Variants in RSPO1 observed in about 807,000 individuals in gnomAD.
RSPO1 encodes the protein R-spondin 1, also known as R-spondin-1.
A neutral mutation model predicts 26.0 loss-of-function variants in RSPO1; 18 were observed. The ratio of observed to expected loss-of-function variants is 0.69; its 90% confidence interval spans 0.48 to 1.03. The LOEUF is 1.03. Ranked by LOEUF, RSPO1 falls within the 50% of genes least tolerant of loss-of-function variation. The pLI is 0.00. For missense variants in RSPO1, 309 were observed against 352.3 expected, an observed-to-expected ratio of 0.88 and a Z score of 0.98; for synonymous variants, 133 against 137.4, an observed-to-expected ratio of 0.97 and a Z score of 0.22.
chr1:37,629,013 TC>T (rs751222046), intron 3 of RSPO1, among the ~76,000 whole-genome samples: 33 of 152,274 alleles, frequency 2.2e-4, no homozygotes, highest in Non-Finnish European at 4.4e-4. Flanking sequence ...CCACTGTAGC[TC>T]CCTGAATCCC....
At chr1:37,618,363 A>G (rs759655800) in intron 3 of RSPO1, among the ~76,000 whole-genome samples, 5 of 152,240 alleles carry the variant, frequency 3.3e-5, no homozygotes, top group Non-Finnish European at 7.3e-5. Flanking sequence ...GAGGGGGGAC[A>G]GAGTGAACTG....
chr1:37,615,394 G>A (rs1425151449), intron 4 of RSPO1, among the ~76,000 whole-genome samples: 1 of 152,164 alleles, frequency 6.6e-6, no homozygotes, highest in Non-Finnish European at 1.5e-5. Flanking sequence ...ACAACCCTAG[G>A]GGGTAAAAAC....
Position 37,613,991 on chromosome 1 carries a change from C to T in RSPO1, c.437-99G>A, listed in dbSNP as rs1644068709. On this transcript the variant is annotated intron_variant, in intron 5 of 6. Coordinates refer to ENST00000356545, the MANE Select transcript of RSPO1 (RefSeq NM_001242908.2). This position sits in a 1 kb window ranked among gnomAD's most constrained non-coding sequence, Gnocchi z 4.5. The stretch of plus-strand genomic sequence containing the variant: ...GCCCAGGGGAGCATCTCCCACTTTC[C>T]TTCTGCCTGGACCTGAGGCTGCAGG... 7.0e-7 allele frequency: 1 copy of T among 1,438,564 alleles called. No homozygotes were observed. Among genetic ancestry groups the T allele is most frequent in the African/African-American group, 1.4e-5 (1 of 71,342 alleles). The allele number at this position is 1,438,564 out of a possible 1,614,324, so 89.1% of individuals were successfully genotyped here.
At chr1:37,629,350 A>C (rs984157474) in intron 3 of RSPO1, among the ~76,000 whole-genome samples, 15 of 152,302 alleles carry the variant, frequency 9.8e-5, no homozygotes, top group African/African-American at 3.6e-4. Flanking sequence ...AAACAGACAA[A>C]GTGAGTCATC....
chr1:37,630,066 T>C (rs1644334686), intron 2 of RSPO1, 117 bp from the exon 3 acceptor site: 8 of 619,186 alleles, frequency 1.3e-5, no homozygotes, highest in Non-Finnish European at 2.3e-5. Flanking sequence ...ACAAGTTACC[T>C]ACCTAGCACC....
In RSPO1 at chr1:37,613,905, G is replaced by C; in HGVS notation, c.437-13C>G. 1.2e-6 allele frequency: 2 copies of C among 1,613,730 alleles called. No homozygotes were observed. Among genetic ancestry groups the C allele is most frequent in the Non-Finnish European group, 1.7e-6 (2 of 1,179,744 alleles). On this transcript the variant is annotated splice_polypyrimidine_tract_variant and intron_variant, in intron 5 of 6. Transcript: ENST00000356545. This position sits in a 1 kb window ranked among gnomAD's most constrained non-coding sequence, Gnocchi z 4.5. ...ATTTCACATTGCGCTGGCAGGAAGA[G>C]AAGGGAAGGGAGAGAAGGACAAGGA...
At position 37,613,768 on chromosome 1, in the gene RSPO1, A is replaced by G. The variant is rs1357520912; in HGVS notation, c.561T>C (p.His187=). The change falls in exon 6 of 7, where the codon CAT becomes CAC. Residue 187 remains histidine (H), a synonymous_variant. Transcript: ENST00000356545. This position sits in a 1 kb window ranked among gnomAD's most constrained non-coding sequence, Gnocchi z 4.5. ...TCTCCTTGGTGTCAGAGCAGGCAGCATGGTCCCCCACAGGGGCATGTAGCA... is the reference window on the plus strand; with the variant it reads ...TCTCCTTGGTGTCAGAGCAGGCAGCGTGGTCCCCCACAGGGGCATGTAGCA... ...RRVLHAPVGD[H]AACSDTKETR... is the part of the protein sequence containing the mutation. The G allele has an allele frequency of 6.2e-7, 1 of 1,614,006 alleles. No individual in the cohort carries two copies. Among genetic ancestry groups the G allele is most frequent in the Non-Finnish European group, 8.5e-7 (1 of 1,179,998 alleles).
chr1:37,629,430 T>G, intron 3 of RSPO1, 138 bp downstream of exon 3: 1 of 711,196 alleles, frequency 1.4e-6, no homozygotes, highest in Non-Finnish European at 2.5e-6. Context: ...ATCTACTGAG[T>G]GATCTACAAA....
At chr1:37,624,679 C>A (rs1644251746) in intron 3 of RSPO1, among the ~76,000 whole-genome samples, 1 of 152,154 alleles carries the variant, frequency 6.6e-6, no homozygotes, top group Non-Finnish European at 1.5e-5. Context: ...GGATCGCTGC[C>A]CCTCCCCGCT....
chr1:37,622,503 C>A (rs1644217600), intron 3 of RSPO1, among the ~76,000 whole-genome samples: 1 of 151,252 alleles, frequency 6.6e-6, no homozygotes, highest in South Asian at 2.1e-4. Flanking sequence ...AGGGCAAGAC[C>A]CTGACTCAAA....
intron 3 of RSPO1, among the ~76,000 whole-genome samples, chr1:37,624,931 T>C (rs1439137403): frequency 1.3e-5 from 2 of 152,212 alleles, no homozygotes; most frequent in Admixed American, 6.5e-5. Context: ...CATGTCGCAC[T>C]ATCTCACACC....
chr1:37,613,714 C>CA lies in RSPO1; in HGVS notation c.614_615insT (p.Cys206ValfsTer3). ...GAGGCTGCAGCTCACCCTCAGGACACGGCACTCTCCTCACTGTGCACCTCC... is the reference window on the plus strand; with the variant it reads ...GAGGCTGCAGCTCACCCTCAGGACACAGGCACTCTCCTCACTGTGCACCTCC... On this transcript the variant is annotated frameshift_variant, in exon 6 of 7. Coordinates refer to ENST00000356545, the MANE Select transcript of RSPO1 (RefSeq NM_001242908.2). LOFTEE classifies it high-confidence loss of function. This position sits in a 1 kb window ranked among gnomAD's most constrained non-coding sequence, Gnocchi z 4.5. 1 of 1,613,132 alleles carries CA rather than the reference C, an allele frequency of 6.2e-7. No individual in the cohort carries two copies. The highest frequency in any genetic ancestry group is 1.7e-5 in the Admixed American group (1 of 60,000).
At chr1:37,627,732 ATCC>A (rs1264034887) in intron 3 of RSPO1, among the ~76,000 whole-genome samples, 1 of 152,226 alleles carries the variant, frequency 6.6e-6, no homozygotes, top group East Asian at 1.9e-4. Flanking sequence ...AAGCCTTACT[ATCC>A]TCCTATACAT....
In RSPO1 at chr1:37,613,041, G is replaced by A; in HGVS notation, c.626-120C>T. On this transcript the variant is annotated intron_variant, in intron 6 of 6. Transcript: ENST00000356545. The surrounding 1 kb of genome is among the most constrained non-coding windows in gnomAD (Gnocchi z 4.5). ...GGAAGGGGAGGCAGGGAGGAGGCTGGAGATGCTGCCTCTAGGTAGTTGGGT... is the reference window on the plus strand; with the variant it reads ...GGAAGGGGAGGCAGGGAGGAGGCTGAAGATGCTGCCTCTAGGTAGTTGGGT... The A allele has an allele frequency of 9.1e-7, 1 of 1,100,602 alleles. No homozygotes were observed. The highest frequency in any genetic ancestry group is 1.3e-6 in the Non-Finnish European group (1 of 740,798). 68.2% of individuals were successfully genotyped at this position (1,100,602 alleles called of 1,614,324 possible).
In RSPO1 at chr1:37,629,919, C is replaced by G. The variant is rs1644332154; in HGVS notation, c.-258G>C. 6.5e-7 allele frequency: 1 copy of G among 1,532,620 alleles called. No individual in the cohort carries two copies. Among genetic ancestry groups the G allele is most frequent in the Admixed American group, 2.0e-5 (1 of 50,954 alleles). The allele number at this position is 1,532,620 out of a possible 1,614,324, so 94.9% of individuals were successfully genotyped here. On this transcript the variant is annotated 5_prime_UTR_variant, in exon 3 of 7. Coordinates refer to ENST00000356545, the MANE Select transcript of RSPO1 (RefSeq NM_001242908.2). ...AATATCATATGAGAGATCTTTTTGT[C>G]ACGTCAGCAGGGACTACTCCAAAAA...
chr1:37,624,609 G>A (rs1644250739), intron 3 of RSPO1, among the ~76,000 whole-genome samples: 1 of 152,150 alleles, frequency 6.6e-6, no homozygotes, highest in African/African-American at 2.4e-5. Flanking sequence ...AAGTTGCTGT[G>A]GCTATGATGA....
In RSPO1 at chr1:37,634,332, A is replaced by AG. The variant is rs1644405855; in HGVS notation, c.-356+233dup. On this transcript the variant is annotated intron_variant, in intron 1 of 6. Coordinates refer to ENST00000356545, the MANE Select transcript of RSPO1 (RefSeq NM_001242908.2). This position sits in a 1 kb window ranked among gnomAD's most constrained non-coding sequence, Gnocchi z 4.7. ...GGGCTGCGGGATGGAGGGGAGTTCG[A>AG]GGGGAAGAGGCTGCCTGCTGGATTG... 3.3e-5 allele frequency among the ~76,000 whole-genome samples: 5 copies of AG among 152,052 alleles called. No individual in the cohort carries two copies. The South Asian group carries it at 1.0e-3, about 32-fold the overall frequency.
chr1:37,612,508 GTGTGTGTGTGTGTA>G lies in RSPO1; in HGVS notation c.*233_*246del, dbSNP rs1644038417. ...TCTTCTGGTGGCCTCAGGTGTGTGTGTGTGTGTGTGTGTATGTGTGTGTGTGGTGTCTGTGTCTG... is the reference window on the plus strand; with the variant it reads ...TCTTCTGGTGGCCTCAGGTGTGTGTGTGTGTGTGTGTGGTGTCTGTGTCTG... On this transcript the variant is annotated 3_prime_UTR_variant, in exon 7 of 7. Coordinates refer to ENST00000356545, the MANE Select transcript of RSPO1 (RefSeq NM_001242908.2). 5.1e-6 allele frequency: 3 copies of G among 584,264 alleles called. No homozygotes were observed. Among genetic ancestry groups the G allele is most frequent in the African/African-American group, 1.9e-5 (1 of 53,558 alleles). 36.2% of individuals were successfully genotyped at this position (584,264 alleles called of 1,614,324 possible).
chr1:37,613,876 G>T lies in RSPO1; in HGVS notation c.453C>A (p.Ser151Arg). The change falls in exon 6 of 7, where the codon AGC becomes AGA. Residue 151 changes from serine (S) to arginine (R), a missense_variant. Transcript: ENST00000356545. This position sits in a 1 kb window ranked among gnomAD's most constrained non-coding sequence, Gnocchi z 4.5. ...AGCAGGGCCCCCACGGAGACCACTC[G>T]CTCATTTCACATTGCGCTGGCAGGA... ...ECSSPAQCEM[S>R]EWSPWGPCSK... 1 of 1,614,076 alleles carries T rather than the reference G, an allele frequency of 6.2e-7. No individual in the cohort carries two copies. Among genetic ancestry groups the T allele is most frequent in the South Asian group, 1.1e-5 (1 of 91,084 alleles).
Sources: allele counts gnomAD v4.1 joint callset (sites outside exome capture counted in the v4.1 genomes callset), GRCh38; gene constraint gnomAD v4.1.1; non-coding constraint Gnocchi (gnomAD v3.1); transcripts MANE v1.5; gene names NCBI Gene and HGNC (gene_info 2026-07-23, HGNC 2026-07-21).